Variants in GRIK4 observed in about 807,000 individuals in gnomAD.
GRIK4 encodes the protein glutamate receptor ionotropic, kainate 4.
Under a neutral mutation model 104.9 loss-of-function variants are expected in GRIK4, and 40 were observed. That is an observed-to-expected ratio of 0.38 (90% CI 0.30 to 0.50). The LOEUF is 0.50. Ranked by LOEUF, GRIK4 falls within the 20% of genes least tolerant of loss-of-function variation. The pLI, the probability that GRIK4 is intolerant of heterozygous loss-of-function variation, is 0.93. For missense variants in GRIK4, 1,047 were observed against 1,308.1 expected, an observed-to-expected ratio of 0.80 and a Z score of 3.08; for synonymous variants, 485 against 524.9, an observed-to-expected ratio of 0.92 and a Z score of 1.04.
At chr11:120,959,954 G>A (rs935657994) in intron 16 of GRIK4, among the ~76,000 whole-genome samples, 3 of 152,266 alleles carry the variant, frequency 2.0e-5, no homozygotes, top group African/African-American at 4.8e-5. Flanking sequence ...ACTTGAGCCC[G>A]GGAGTTCTAG....
chr11:120,848,741 A>T (rs2135595210), intron 8 of GRIK4, among the ~76,000 whole-genome samples: 1 of 152,314 alleles, frequency 6.6e-6, no homozygotes, highest in African/African-American at 2.4e-5. Flanking sequence ...ATGCAGGATC[A>T]CTAAAAATGA....
chr11:120,796,029 T>C (rs2135500870), intron 3 of GRIK4, among the ~76,000 whole-genome samples: 2 of 127,912 alleles, frequency 1.6e-5, no homozygotes, highest in South Asian at 4.9e-4. Flanking sequence ...GGTTTTTTTT[T>C]CCTGAATTTT....
At chr11:120,814,108 C>A (rs1952883729) in intron 4 of GRIK4, among the ~76,000 whole-genome samples, 1 of 152,190 alleles carries the variant, frequency 6.6e-6, no homozygotes, top group African/African-American at 2.4e-5. Context: ...CTCCTACTCT[C>A]TAGAATGCAT....
At chr11:120,899,869 G>A (rs1036106688) in intron 12 of GRIK4, among the ~76,000 whole-genome samples, 5 of 152,282 alleles carry the variant, frequency 3.3e-5, no homozygotes, top group African/African-American at 1.2e-4. Flanking sequence ...GCATGAGTTC[G>A]CCTCCTCAGC....
chr11:120,614,042 T>G (rs1237465456), intron 1 of GRIK4, among the ~76,000 whole-genome samples: 1 of 152,132 alleles, frequency 6.6e-6, no homozygotes, highest in Non-Finnish European at 1.5e-5. Flanking sequence ...TTCCCTCCCC[T>G]CTGCATATGT....
intron 13 of GRIK4, among the ~76,000 whole-genome samples, chr11:120,923,173 G>T (rs536895470): frequency 1.3e-5 from 2 of 152,278 alleles, no homozygotes; most frequent in Admixed American, 1.3e-4. Context: ...GCAAGCTGGG[G>T]TTAGTCTGGC....
intron 3 of GRIK4, among the ~76,000 whole-genome samples, chr11:120,738,003 T>C (rs1307742355): frequency 6.6e-6 from 1 of 152,148 alleles, no homozygotes; most frequent in African/African-American, 2.4e-5. Flanking sequence ...ATGGATAATT[T>C]CATTTGGGAG....
chr11:120,768,322 G>A (rs1318512577), intron 3 of GRIK4, among the ~76,000 whole-genome samples: 2 of 151,752 alleles, frequency 1.3e-5, no homozygotes, highest in East Asian at 3.9e-4. Flanking sequence ...CAATTTTTGT[G>A]GGATCATTTT....
chr11:120,559,661 C>T (rs1388900391), intron 1 of GRIK4, among the ~76,000 whole-genome samples: 1 of 152,210 alleles, frequency 6.6e-6, no homozygotes, highest in Non-Finnish European at 1.5e-5. Flanking sequence ...CAGCTACTAC[C>T]TGTGCACTAA....
intron 13 of GRIK4, among the ~76,000 whole-genome samples, chr11:120,908,178 G>T (rs1372903176): frequency 6.6e-6 from 1 of 152,134 alleles, no homozygotes; most frequent in African/African-American, 2.4e-5. Context: ...GGGAGGTTAG[G>T]TAACCTGATA....
At chr11:120,605,215 T>G (rs1012861855) in intron 1 of GRIK4, among the ~76,000 whole-genome samples, 1 of 152,210 alleles carries the variant, frequency 6.6e-6, no homozygotes, top group Non-Finnish European at 1.5e-5. Flanking sequence ...AAGATGAACG[T>G]GTTACTTGTC....
At chr11:120,895,248 G>A (rs182601626) in intron 11 of GRIK4, among the ~76,000 whole-genome samples, 1 of 152,128 alleles carries the variant, frequency 6.6e-6, no homozygotes, top group Non-Finnish European at 1.5e-5. Flanking sequence ...AGTGGGTAGC[G>A]GGGAGCTGAG....
At chr11:120,574,789 C>T (rs778422264) in intron 1 of GRIK4, among the ~76,000 whole-genome samples, 9 of 152,142 alleles carry the variant, frequency 5.9e-5, no homozygotes, top group East Asian at 1.9e-4. Flanking sequence ...GGAGGGGAGG[C>T]GCTTTCCTCT....
intron 1 of GRIK4, among the ~76,000 whole-genome samples, chr11:120,535,993 G>A (rs867547499): frequency 8.5e-5 from 13 of 152,204 alleles, no homozygotes; most frequent in African/African-American, 2.9e-4. Context: ...GCTCAAGCCA[G>A]GGGTGGAAAA....
intron 1 of GRIK4, among the ~76,000 whole-genome samples, chr11:120,627,563 G>A (rs1949277351): frequency 6.6e-6 from 1 of 152,222 alleles, no homozygotes; most frequent in Non-Finnish European, 1.5e-5. Context: ...CTGGGAGGTG[G>A]AATGAGCCCG....
chr11:120,722,784 T>G (rs916032643), intron 3 of GRIK4, among the ~76,000 whole-genome samples: 8 of 152,226 alleles, frequency 5.3e-5, no homozygotes, highest in African/African-American at 1.9e-4. Flanking sequence ...GTATACCAAG[T>G]GTCCTCAGGT....
In GRIK4 at chr11:120,717,115, C is replaced by T. The variant is rs112414521; in HGVS notation, c.82+56715C>T. On this transcript the variant is annotated intron_variant, in intron 3 of 20. Transcript: ENST00000527524. ...GGTCCAGCCAGGAGATTTTTCCTGC[C>T]GACGGAATGCCTGTAAATGGAGGCC... is the stretch of plus-strand genomic sequence containing the variant. 1.3e-3 allele frequency among the ~76,000 whole-genome samples: 193 copies of T among 152,226 alleles called. 1 individual carries two copies. The highest frequency in any genetic ancestry group is 4.2e-3 in the African/African-American group (175 of 41,538).
intron 1 of GRIK4, among the ~76,000 whole-genome samples, chr11:120,520,917 C>G (rs1947790536): frequency 6.6e-6 from 1 of 152,152 alleles, no homozygotes; most frequent in African/African-American, 2.4e-5. Context: ...GAACATCTCT[C>G]TTTTTGGAGG....
At chr11:120,816,865 C>T (rs904449858) in intron 5 of GRIK4, among the ~76,000 whole-genome samples, 1 of 152,070 alleles carries the variant, frequency 6.6e-6, no homozygotes, top group African/African-American at 2.4e-5. Context: ...AAGTCCCCAT[C>T]CTCCTCCCGG....
Sources: allele counts gnomAD v4.1 joint callset (sites outside exome capture counted in the v4.1 genomes callset), GRCh38; gene constraint gnomAD v4.1.1; transcripts MANE v1.5; gene names NCBI Gene and HGNC (gene_info 2026-07-23, HGNC 2026-07-21).